Variants in PRDM6 observed in about 807,000 individuals in gnomAD.
PRDM6 encodes the protein PR/SET domain 6, also known as putative histone-lysine N-methyltransferase PRDM6.
In PRDM6, 25 loss-of-function variants were observed where a neutral mutation model predicts 60.8. The observed-to-expected ratio is 0.41, with a 90% CI of 0.30 to 0.57. The LOEUF (loss-of-function observed/expected upper bound fraction) is 0.57, where lower values mean the gene tolerates loss of function less well. Ranked by LOEUF, PRDM6 falls within the 20% of genes least tolerant of loss-of-function variation. The probability of loss-of-function intolerance (pLI) is 0.27; values close to 1 mark genes in which losing one functional copy is unlikely to be tolerated. For synonymous variants in PRDM6, 407 were observed against 357.4 expected (o/e 1.14, Z -1.57); for missense variants, 839 against 821.3 (o/e 1.02, Z -0.26).
At chr5:123,096,049 G>A (rs1178491352) in intron 2 of PRDM6, among the ~76,000 whole-genome samples, 1 of 152,058 alleles carries the variant, frequency 6.6e-6, no homozygotes, top group African/African-American at 2.4e-5. Context: ...GCCAGGAGGC[G>A]AACAAGTCTG....
intron 3 of PRDM6, 79 bp from the exon 4 acceptor site, chr5:123,155,805 A>G (rs2126872670): frequency 6.7e-7 from 1 of 1,490,266 alleles, no homozygotes; most frequent in East Asian, 2.5e-5. Flanking sequence ...CAGCTGACAC[A>G]TAAAGACACC....
At chr5:123,117,898 C>G (rs757415290) in intron 3 of PRDM6, among the ~76,000 whole-genome samples, 3 of 152,174 alleles carry the variant, frequency 2.0e-5, no homozygotes, top group African/African-American at 7.2e-5. Context: ...TAGGGGTGAG[C>G]CATTCATTCA....
intron 2 of PRDM6, among the ~76,000 whole-genome samples, chr5:123,095,140 C>A (rs1345497804): frequency 6.6e-6 from 1 of 152,240 alleles, no homozygotes; most frequent in Non-Finnish European, 1.5e-5. Flanking sequence ...TCTGGATCTG[C>A]TTCTAGACCC....
At chr5:123,142,899 AAAAC>A (rs763432923) in intron 3 of PRDM6, among the ~76,000 whole-genome samples, 1,620 of 129,280 alleles carry the variant, frequency 0.013, 9 homozygotes, top group Middle Eastern at 0.021. Context: ...AAAAAAAAAA[AAAAC>A]AAACAAACCA....
chr5:123,187,212 G>T lies in PRDM6; in HGVS notation c.*11G>T. 6.5e-7 allele frequency: 1 copy of T among 1,531,942 alleles called. No individual in the cohort carries two copies. The highest frequency in any genetic ancestry group is 8.9e-7 in the Non-Finnish European group (1 of 1,129,372). The allele number at this position is 1,531,942 out of a possible 1,614,324, so 94.9% of individuals were successfully genotyped here. A position where few individuals can be genotyped will look rare whatever the true frequency, so the allele number is the denominator to read the frequency against. On this transcript the variant is annotated 3_prime_UTR_variant, in exon 8 of 8. Transcript: ENST00000407847. ...ATCGAAGTGGATTAACGGATTGACT[G>T]GTTGGAATTAAACTGCAAGGAAAGT...
At chr5:123,171,415 T>G (rs1421829059) in intron 6 of PRDM6, among the ~76,000 whole-genome samples, 1 of 152,162 alleles carries the variant, frequency 6.6e-6, no homozygotes, top group Non-Finnish European at 1.5e-5. Flanking sequence ...TCAGGATAAT[T>G]AGAATCTTCT....
chr5:123,162,545 A>G (rs1379467839), intron 5 of PRDM6, among the ~76,000 whole-genome samples: 4 of 152,240 alleles, frequency 2.6e-5, no homozygotes, highest in African/African-American at 9.6e-5. Context: ...TTGCAAAGCT[A>G]CAACAGCTTG....
chr5:123,140,635 C>A (rs665444), intron 3 of PRDM6, among the ~76,000 whole-genome samples: 61,917 of 151,856 alleles, frequency 0.41, 13,342 homozygotes, highest in African/African-American at 0.51. Flanking sequence ...TACAGAAAAA[C>A]AAATTCTTAC....
At chr5:123,184,333 G>C (rs535907136) in intron 7 of PRDM6, among the ~76,000 whole-genome samples, 1 of 152,074 alleles carries the variant, frequency 6.6e-6, no homozygotes, top group Non-Finnish European at 1.5e-5. Flanking sequence ...GTCTAATTAA[G>C]ATGCTCACAA....
At chr5:123,162,737 A>G (rs1371398649) in intron 5 of PRDM6, among the ~76,000 whole-genome samples, 2 of 152,166 alleles carry the variant, frequency 1.3e-5, no homozygotes, top group African/African-American at 4.8e-5. Flanking sequence ...TCAGAGTCAT[A>G]TATCTGTCAT....
At chr5:123,113,894 A>G (rs73796832) in intron 3 of PRDM6, among the ~76,000 whole-genome samples, 2,345 of 152,288 alleles carry the variant, frequency 0.015, 46 homozygotes, top group African/African-American at 0.053. Context: ...ATTATCCTAG[A>G]AAGTTTAAAC....
At chr5:123,095,079 G>C (rs559314006) in intron 2 of PRDM6, among the ~76,000 whole-genome samples, 1 of 152,220 alleles carries the variant, frequency 6.6e-6, no homozygotes, top group Non-Finnish European at 1.5e-5. Context: ...GCAGGGTCGA[G>C]ACTGAAATCA....
chr5:123,115,284 G>A (rs982892453), intron 3 of PRDM6, among the ~76,000 whole-genome samples: 2 of 152,154 alleles, frequency 1.3e-5, no homozygotes, highest in African/African-American at 4.8e-5. Context: ...TAAATGTGTT[G>A]CATCTGTGAA....
At chr5:123,161,531 C>T (rs1348598223) in intron 5 of PRDM6, among the ~76,000 whole-genome samples, 2 of 152,106 alleles carry the variant, frequency 1.3e-5, no homozygotes. Context: ...TGGGCAAAGA[C>T]TTAAGATGGT....
intron 4 of PRDM6, among the ~76,000 whole-genome samples, chr5:123,156,782 C>T (rs893953062): frequency 2.6e-5 from 4 of 152,182 alleles, no homozygotes; most frequent in Non-Finnish European, 5.9e-5. Context: ...AGTGCACCTG[C>T]TGGTGAAGCA....
At chr5:123,176,285 A>AAC (rs1160950871) in intron 6 of PRDM6, among the ~76,000 whole-genome samples, 13 of 148,084 alleles carry the variant, frequency 8.8e-5, no homozygotes, top group Admixed American at 3.4e-4. Context: ...AAAAAAAAAC[A>AAC]AAAAAAAAAC....
At chr5:123,129,183 G>A (rs1046120903) in intron 3 of PRDM6, among the ~76,000 whole-genome samples, 5 of 152,202 alleles carry the variant, frequency 3.3e-5, no homozygotes, top group Admixed American at 6.5e-5. Flanking sequence ...AGTATAGTTT[G>A]AAGTCAGGTA....
chr5:123,151,080 G>A (rs76400186), intron 3 of PRDM6, among the ~76,000 whole-genome samples: 1 of 152,096 alleles, frequency 6.6e-6, no homozygotes, highest in Non-Finnish European at 1.5e-5. Context: ...CATGCATTGG[G>A]TTCCTTCTAT....
chr5:123,165,439 A>G (rs981006040), intron 5 of PRDM6, among the ~76,000 whole-genome samples: 4 of 152,152 alleles, frequency 2.6e-5, no homozygotes, highest in Non-Finnish European at 5.9e-5. Flanking sequence ...CCACCTGACT[A>G]GTGTCACCAT....
Sources: allele counts gnomAD v4.1 joint callset (sites outside exome capture counted in the v4.1 genomes callset), GRCh38; gene constraint gnomAD v4.1.1; transcripts MANE v1.5; gene names NCBI Gene and HGNC (gene_info 2026-07-23, HGNC 2026-07-21).